ERICH1: variants seen among roughly 807,000 people sequenced by gnomAD.
ERICH1 encodes the protein glutamate rich 1.
A neutral mutation model predicts 39.6 loss-of-function variants in ERICH1; 56 were observed. The observed-to-expected ratio is 1.41, with a 90% CI of 1.14 to 1.77. The LOEUF (loss-of-function observed/expected upper bound fraction) is 1.77, where lower values mean the gene tolerates loss of function less well. ERICH1 is among the 40% of genes most tolerant of loss of function. The pLI is 0.00. For synonymous variants in ERICH1, 313 were observed against 223.6 expected, an observed-to-expected ratio of 1.40 and a Z score of -3.57; for missense variants, 826 against 575.4, an observed-to-expected ratio of 1.44 and a Z score of -4.45.
At chr8:639,028 C>G (rs183049504) in intron 3 of ERICH1, among the ~76,000 whole-genome samples, 1 of 152,156 alleles carries the variant, frequency 6.6e-6, no homozygotes, top group Non-Finnish European at 1.5e-5. Flanking sequence ...AACACTGCAA[C>G]GGAAGCCGTC....
intron 3 of ERICH1, among the ~76,000 whole-genome samples, chr8:685,118 G>C (rs1807005219): frequency 6.6e-6 from 1 of 152,194 alleles, no homozygotes; most frequent in East Asian, 1.9e-4. Flanking sequence ...ATCTACAACT[G>C]CATAAGGCAG....
Position 673,834 on chromosome 8 carries a change from C to G in ERICH1, c.518G>C (p.Arg173Thr). 6.2e-7 allele frequency: 1 copy of G among 1,614,112 alleles called. No homozygotes were observed. The change falls in exon 4 of 6, where the codon AGG (arginine) becomes ACG (threonine). Residue 173 changes from arginine to threonine, a missense_variant. Physicochemically the swap from Arg to Thr is moderately conservative, Grantham distance 71. Coordinates refer to ENST00000262109, the MANE Select transcript of ERICH1 (RefSeq NM_207332.3). ...TGCTGCCAAGCCGGCTGCTTTCTTC[C>G]TTTTAATTTGCTGTTTCTTTTTCAG... ...RKLKKKQQIK[R>T]KKAAGLAAKA...
At chr8:714,834 C>T (rs561286097) in intron 2 of ERICH1, among the ~76,000 whole-genome samples, 58 of 152,132 alleles carry the variant, frequency 3.8e-4, no homozygotes, top group Non-Finnish European at 7.2e-4. Flanking sequence ...TCCCACGTCT[C>T]TCAGTAGGAT....
At chr8:680,446 A>G (rs1342707959) in intron 3 of ERICH1, among the ~76,000 whole-genome samples, 3 of 151,002 alleles carry the variant, frequency 2.0e-5, no homozygotes, top group Non-Finnish European at 2.9e-5. Flanking sequence ...GAAAACACAG[A>G]AAGTCCAAGA....
At chr8:708,735 C>A (rs1814025443) in intron 2 of ERICH1, among the ~76,000 whole-genome samples, 1 of 108,138 alleles carries the variant, frequency 9.2e-6, no homozygotes, top group South Asian at 3.2e-4. Flanking sequence ...ACTGCATTGT[C>A]TAGGCTGGAG....
At chr8:726,684 C>T (rs569020691) in intron 1 of ERICH1, among the ~76,000 whole-genome samples, 1 of 142,044 alleles carries the variant, frequency 7.0e-6, no homozygotes, top group South Asian at 2.1e-4. Context: ...TACACAGGCA[C>T]ATCATACACA....
chr8:695,423 C>T (rs990393843), intron 2 of ERICH1, among the ~76,000 whole-genome samples: 19 of 152,062 alleles, frequency 1.2e-4, no homozygotes, highest in Non-Finnish European at 2.2e-4. Context: ...CAGATCCTTA[C>T]GCCGCTCACC....
At position 673,714 on chromosome 8, in the gene ERICH1, G is replaced by A. The variant is rs780049601; in HGVS notation, c.638C>T (p.Thr213Ile). The change falls in exon 4 of 6, where the codon ACC becomes ATC. Residue 213 changes from threonine (T) to isoleucine (I), a missense_variant. Thr to Ile is a moderately conservative substitution (Grantham distance 89). Coordinates refer to ENST00000262109, the MANE Select transcript of ERICH1 (RefSeq NM_207332.3). ...GEACEEDGVD[T>I]SEEDPTLAGE... is the part of the protein sequence containing the mutation. The stretch of plus-strand genomic sequence containing the variant: ...GGCCAGTGTCGGGTCTTCCTCGCTG[G>A]TGTCCACACCATCCTCCTCACAAGC... 3 of 1,614,002 alleles carry A rather than the reference G, an allele frequency of 1.9e-6. No homozygotes were observed. The highest frequency in any genetic ancestry group is 1.7e-5 in the Admixed American group (1 of 59,998).
chr8:702,345 G>C (rs533525914), intron 2 of ERICH1, among the ~76,000 whole-genome samples: 35 of 152,262 alleles, frequency 2.3e-4, no homozygotes, highest in African/African-American at 7.9e-4. Context: ...ACGCCGGCGA[G>C]TCAAGTGAGC....
intron 2 of ERICH1, among the ~76,000 whole-genome samples, chr8:699,820 A>ACAGACCCGCATAG (rs1563295682): frequency 1.7e-5 from 1 of 58,992 alleles, no homozygotes; most frequent in African/African-American, 7.0e-5. Context: ...GATCCGCACA[A>ACAGACCCGCATAG]GCGCACAGAC....
intron 1 of ERICH1, among the ~76,000 whole-genome samples, chr8:730,505 T>C (rs1819733941): frequency 6.6e-6 from 1 of 152,200 alleles, no homozygotes; most frequent in Non-Finnish European, 1.5e-5. Context: ...GTGAGGGTAA[T>C]GAGCTGGGGT....
intron 3 of ERICH1, among the ~76,000 whole-genome samples, chr8:655,946 A>G (rs1800608572): frequency 6.6e-6 from 1 of 151,954 alleles, no homozygotes; most frequent in Admixed American, 6.6e-5. Flanking sequence ...CCCAATCGCA[A>G]CAGGTCCCTC....
intron 2 of ERICH1, among the ~76,000 whole-genome samples, chr8:700,971 G>C (rs79112879): frequency 6.6e-6 from 1 of 152,256 alleles, no homozygotes; most frequent in Non-Finnish European, 1.5e-5. Context: ...AAAAGCAGCC[G>C]AGAGGAAGTG....
chr8:620,473 A>G (rs1285203984), intron 3 of ERICH1, among the ~76,000 whole-genome samples: 1 of 152,232 alleles, frequency 6.6e-6, no homozygotes, highest in African/African-American at 2.4e-5. Context: ...CCTGCTTATC[A>G]AGTGTGTGTC....
chr8:723,090 G>A (rs930725705), intron 1 of ERICH1, among the ~76,000 whole-genome samples: 2 of 152,168 alleles, frequency 1.3e-5, no homozygotes, highest in African/African-American at 4.8e-5. Flanking sequence ...TCATGGTGAT[G>A]AGCTCTTGGA....
At chr8:652,011 G>T (rs1007406576) in intron 3 of ERICH1, among the ~76,000 whole-genome samples, 1 of 152,188 alleles carries the variant, frequency 6.6e-6, no homozygotes, top group Non-Finnish European at 1.5e-5. Context: ...TTGGGAAAAG[G>T]CCGTTGGCAG....
At chr8:680,555 A>C (rs1232606329) in intron 3 of ERICH1, among the ~76,000 whole-genome samples, 4 of 147,962 alleles carry the variant, frequency 2.7e-5, no homozygotes, top group African/African-American at 1.0e-4. Context: ...AAGAGAATCC[A>C]CAGCTGCCAC....
chr8:629,731 T>G (rs1350169949), intron 3 of ERICH1, among the ~76,000 whole-genome samples: 2 of 123,262 alleles, frequency 1.6e-5, no homozygotes, highest in Admixed American at 8.4e-5. Flanking sequence ...ACTCACACCC[T>G]CCCGTGACAA....
intron 3 of ERICH1, among the ~76,000 whole-genome samples, chr8:677,126 G>C (rs963176714): frequency 6.6e-6 from 1 of 152,216 alleles, no homozygotes; most frequent in African/African-American, 2.4e-5. Context: ...TGAGCTCCGG[G>C]CTCTTCGCCA....
Sources: allele counts gnomAD v4.1 joint callset (sites outside exome capture counted in the v4.1 genomes callset), GRCh38; gene constraint gnomAD v4.1.1; transcripts MANE v1.5; gene names NCBI Gene and HGNC (gene_info 2026-07-23, HGNC 2026-07-21).